COL11A2: variants seen among roughly 807,000 people sequenced by gnomAD.
COL11A2 encodes the protein collagen type XI alpha 2 chain, also known as collagen alpha-2(XI) chain.
Under a neutral mutation model 273.4 loss-of-function variants are expected in COL11A2, and 116 were observed. That is an observed-to-expected ratio of 0.42 (90% CI 0.36 to 0.49). The LOEUF (loss-of-function observed/expected upper bound fraction) is 0.49. Among genes scored for constraint, COL11A2 ranks in the 20% least tolerant of loss-of-function variants. The pLI is 0.00. For synonymous variants in COL11A2, 782 were observed against 864.2 expected (o/e 0.90, Z 1.67); for missense variants, 1,866 against 2,309.0 (o/e 0.81, Z 3.93).
chr6:33,180,594 G>C, intron 11 of COL11A2, 74 bp downstream of exon 11: 1 of 1,380,848 alleles, frequency 7.2e-7, no homozygotes, highest in African/African-American at 1.4e-5. Context: ...GAAATTACTG[G>C]GCATGGTAGC....
chr6:33,176,906 T>G lies in COL11A2; in HGVS notation c.2070+86A>C. 6.5e-7 allele frequency: 1 copy of G among 1,534,874 alleles called. No homozygotes were observed. The highest frequency in any genetic ancestry group is 8.9e-7 in the Non-Finnish European group (1 of 1,123,656). On this transcript the variant is annotated intron_variant, in intron 25 of 65. Transcript: ENST00000341947. The surrounding 1 kb of genome is among the most constrained non-coding windows in gnomAD (Gnocchi z 4.9). ...ACAAGCACCACCAGTGACCTTTCAG[T>G]GCAAGGGTCACTAAAGGAGCTCTGA...
Position 33,174,152 on chromosome 6 carries a change from C to G in COL11A2, c.2484+13G>C, listed in dbSNP as rs1467671114. 7.5e-7 allele frequency: 1 copy of G among 1,337,588 alleles called. No homozygotes were observed. Among genetic ancestry groups the G allele is most frequent in the South Asian group, 1.3e-5 (1 of 74,538 alleles). 82.9% of individuals were successfully genotyped at this position (1,337,588 alleles called of 1,614,324 possible). On this transcript the variant is annotated intron_variant, in intron 32 of 65. Coordinates refer to ENST00000341947, the MANE Select transcript of COL11A2 (RefSeq NM_080680.3). ...GCCCTTCCCTTCTCACGCCCTCCCA[C>G]CCCCCAGCTTACCCGGGCTCCCTTC...
Position 33,178,057 on chromosome 6 carries a change from G to A in COL11A2, c.1872+75C>T. ...CATGCCGAGAGAGGAGAGGGAGCAGGAAGGCAGCTAGAAAGGTGGAGAGTT... is the reference window on the plus strand; with the variant it reads ...CATGCCGAGAGAGGAGAGGGAGCAGAAAGGCAGCTAGAAAGGTGGAGAGTT... On this transcript the variant is annotated intron_variant, in intron 21 of 65. Transcript: ENST00000341947. The surrounding 1 kb of genome is among the most constrained non-coding windows in gnomAD (Gnocchi z 4.6). 6.9e-7 allele frequency: 1 copy of A among 1,440,566 alleles called. No individual in the cohort carries two copies. Among genetic ancestry groups the A allele is most frequent in the Non-Finnish European group, 9.6e-7 (1 of 1,040,850 alleles). The allele number at this position is 1,440,566 out of a possible 1,614,324, so 89.2% of individuals were successfully genotyped here. A position where few individuals can be genotyped will look rare whatever the true frequency, so the allele number is the denominator to read the frequency against.
Position 33,180,668 on chromosome 6 carries a change from C to T in COL11A2, c.1284G>A (p.Arg428=). The stretch of plus-strand genomic sequence containing the variant: ...CGTCACATGGAGGACACCCCCTTAC[C>T]CTCTCTCCAGGGTCTCCAACTGGGC... ...NPGPVGDPGE[R]GPPGRAGLPG... The change falls in exon 11 of 66, where the codon AGG becomes AGA. Residue 428 remains arginine, a splice_region_variant and synonymous_variant. Transcript: ENST00000341947. The T allele has an allele frequency of 1.2e-6, 2 of 1,606,746 alleles. No individual in the cohort carries two copies. Among genetic ancestry groups the T allele is most frequent in the Non-Finnish European group, 1.7e-6 (2 of 1,177,022 alleles).
In COL11A2 at chr6:33,176,303, C is replaced by T. The variant is rs1367893083; in HGVS notation, c.2170G>A (p.Gly724Ser). 1 of 1,605,760 alleles carries T rather than the reference C, an allele frequency of 6.2e-7. No homozygotes were observed. The highest frequency in any genetic ancestry group is 2.2e-5 in the East Asian group (1 of 44,752). The part of the protein sequence containing the change: ...LGYPGPRGVK[G>S]VDGIRGLKGH... Reference sequence around the variant, plus strand: ...TTCAGACCCCGAATTCCGTCCACACCCTAGAATTAGAGAGGGGATAGAAGT... The same window carrying T: ...TTCAGACCCCGAATTCCGTCCACACTCTAGAATTAGAGAGGGGATAGAAGT... Residue 724 changes from glycine to serine, a missense_variant and splice_region_variant, in exon 28 of 66, where the codon GGT becomes AGT. By Grantham distance (56) the Gly-to-Ser change is moderately conservative. Transcript: ENST00000341947. The surrounding 1 kb of genome is among the most constrained non-coding windows in gnomAD (Gnocchi z 4.9).
At position 33,166,751 on chromosome 6, in the gene COL11A2, G is replaced by T; in HGVS notation, c.4307C>A (p.Pro1436His). 1 of 1,613,582 alleles carries T rather than the reference G, an allele frequency of 6.2e-7. No homozygotes were observed. Among genetic ancestry groups the T allele is most frequent in the Non-Finnish European group, 8.5e-7 (1 of 1,180,018 alleles). ...GEKGDRGLPG[P>H]QGSPGQKGEM... ...ACCCTTCTGCCCAGGGGAGCCCTGA[G>T]GCCCAGGAAGTCCCCGATCTCCCTT... The change falls in exon 59 of 66, where the codon CCT becomes CAT. Residue 1436 changes from proline (P) to histidine (H), a missense_variant. Physicochemically the swap from Pro to His is moderately conservative, Grantham distance 77 (BLOSUM62 -2). Transcript: ENST00000341947. The surrounding 1 kb of genome is among the most constrained non-coding windows in gnomAD (Gnocchi z 4.8).
chr6:33,184,235 G>C lies in COL11A2; in HGVS notation c.1029C>G (p.Pro343=). The C allele has an allele frequency of 7.3e-7, 1 of 1,367,666 alleles. No homozygotes were observed. Among genetic ancestry groups the C allele is most frequent in the Non-Finnish European group, 9.8e-7 (1 of 1,022,004 alleles). 84.7% of individuals were successfully genotyped at this position (1,367,666 alleles called of 1,614,324 possible). Residue 343 remains proline, a synonymous_variant, in exon 8 of 66, where the codon CCC becomes CCG. Coordinates refer to ENST00000341947, the MANE Select transcript of COL11A2 (RefSeq NM_080680.3). ...GEGGTDPPEG[P]YDYTYGYGDD... ...CCCCATAGCCATAGGTGTAATCGTA[G>C]GGCCCTTCAGGGGGGTCTGTGCCAC...
chr6:33,175,674 A>G lies in COL11A2; in HGVS notation c.2276T>C (p.Val759Ala). The change falls in exon 30 of 66, where the codon GTT (valine) becomes GCT (alanine). Residue 759 changes from valine (V) to alanine (A), a missense_variant. Coordinates refer to ENST00000341947, the MANE Select transcript of COL11A2 (RefSeq NM_080680.3). ...CTCTCCCCTGGAACCAGGGACTCCAACTTCGCCCTGTGTGAGAGGGAAGGA... is the reference window on the plus strand; with the variant it reads ...CTCTCCCCTGGAACCAGGGACTCCAGCTTCGCCCTGTGTGAGAGGGAAGGA... ...DIGVKGDRGE[V>A]GVPGSRGEDG... The G allele has an allele frequency of 1.2e-6, 2 of 1,612,824 alleles. No individual in the cohort carries two copies. The highest frequency in any genetic ancestry group is 1.7e-6 in the Non-Finnish European group (2 of 1,179,902).
rs756821764 is a variant in COL11A2 at position 33,186,826 on chromosome 6, G to T, written c.607-8C>A. The T allele has an allele frequency of 6.2e-7, 1 of 1,613,952 alleles. No homozygotes were observed. Among genetic ancestry groups the T allele is most frequent in the Non-Finnish European group, 8.5e-7 (1 of 1,180,044 alleles). ...CAGCTCCTGGACATCACCCTGCAAA[G>T]ACATGAGAGAGATGGAGCGGAGAGA... is the stretch of plus-strand genomic sequence containing the variant. On this transcript the variant is annotated splice_region_variant and splice_polypyrimidine_tract_variant and intron_variant, in intron 4 of 65. Transcript: ENST00000341947.
chr6:33,167,346 A>G lies in COL11A2; in HGVS notation c.4123-29T>C. ...AAGATTTGAGGGGGCCACAGGGGTC[A>G]GGAGGAGCATCCCCACACTGCACCC... On this transcript the variant is annotated intron_variant, in intron 56 of 65. Coordinates refer to ENST00000341947, the MANE Select transcript of COL11A2 (RefSeq NM_080680.3). This position sits in a 1 kb window ranked among gnomAD's most constrained non-coding sequence, Gnocchi z 6.1. 1 of 1,613,092 alleles carries G rather than the reference A, an allele frequency of 6.2e-7. No homozygotes were observed. Among genetic ancestry groups the G allele is most frequent in the Non-Finnish European group, 8.5e-7 (1 of 1,179,948 alleles).
At position 33,184,237 on chromosome 6, in the gene COL11A2, G is replaced by A. The variant is rs923907769; in HGVS notation, c.1027C>T (p.Pro343Ser). 2.9e-6 allele frequency: 4 copies of A among 1,367,556 alleles called. No homozygotes were observed. In the Admixed American group the frequency reaches 5.7e-5, roughly 20 times the overall value. 84.7% of individuals were successfully genotyped at this position (1,367,556 alleles called of 1,614,324 possible). The change falls in exon 8 of 66, where the codon CCC (proline) becomes TCC (serine). Residue 343 changes from proline (P) to serine (S), a missense_variant. Transcript: ENST00000341947. ...CCATAGCCATAGGTGTAATCGTAGG[G>A]CCCTTCAGGGGGGTCTGTGCCACCC... ...GEGGTDPPEGPYDYTYGYGDD... is the reference protein window; with the variant it reads ...GEGGTDPPEGSYDYTYGYGDD...
intron 8 of COL11A2, among the ~76,000 whole-genome samples, chr6:33,182,905 A>G (rs1307748050): frequency 2.0e-5 from 3 of 152,106 alleles, no homozygotes; most frequent in African/African-American, 7.2e-5. Flanking sequence ...TCCCCCCAAC[A>G]AAGATCTTCA....
chr6:33,187,487 G>A (rs1772575009), intron 4 of COL11A2, among the ~76,000 whole-genome samples: 1 of 152,246 alleles, frequency 6.6e-6, no homozygotes, highest in South Asian at 2.1e-4. Context: ...GGCTTGGAGG[G>A]TGAATGGAGG....
chr6:33,166,064 C>G lies in COL11A2; in HGVS notation c.4429-80G>C, dbSNP rs879800005. The stretch of plus-strand genomic sequence containing the variant: ...GGTCACAGAAAGATCAAATCAGCCT[C>G]CTGGCTGGAATAAGGGGCTCCTTGG... On this transcript the variant is annotated intron_variant, in intron 61 of 65. Coordinates refer to ENST00000341947, the MANE Select transcript of COL11A2 (RefSeq NM_080680.3). This position sits in a 1 kb window ranked among gnomAD's most constrained non-coding sequence, Gnocchi z 4.8. 1 of 1,607,036 alleles carries G rather than the reference C, an allele frequency of 6.2e-7. No individual in the cohort carries two copies. Among genetic ancestry groups the G allele is most frequent in the Non-Finnish European group, 8.5e-7 (1 of 1,175,174 alleles).
chr6:33,174,433 A>T, intron 31 of COL11A2, 94 bp downstream of exon 31: 1 of 1,516,308 alleles, frequency 6.6e-7, no homozygotes, highest in South Asian at 1.2e-5. Flanking sequence ...GGGGTCCCCC[A>T]CTGCCCTGCA....
intron 6 of COL11A2, 91 bp from the exon 7 acceptor site, chr6:33,185,145 C>G (rs569558221): frequency 1.1e-6 from 1 of 933,454 alleles, no homozygotes; most frequent in South Asian, 1.4e-5. Context: ...ACCTGTCCCC[C>G]GAGGGCAGGG....
rs754701834 is a variant in COL11A2, at chr6:33,167,138, G to A, written c.4177-15C>T. ...CCTGGGGGTCCCTGTGGAGAGATGGGAAGTCATTCTCTTAAGGGAGAGGTG... is the reference window on the plus strand; with the variant it reads ...CCTGGGGGTCCCTGTGGAGAGATGGAAAGTCATTCTCTTAAGGGAGAGGTG... On this transcript the variant is annotated splice_polypyrimidine_tract_variant and intron_variant, in intron 57 of 65. Coordinates refer to ENST00000341947, the MANE Select transcript of COL11A2 (RefSeq NM_080680.3). The surrounding 1 kb of genome is among the most constrained non-coding windows in gnomAD (Gnocchi z 6.1). 8.1e-6 allele frequency: 13 copies of A among 1,613,952 alleles called. No homozygotes were observed. Among genetic ancestry groups the A allele is most frequent in the Non-Finnish European group, 1.0e-5 (12 of 1,179,968 alleles).
At position 33,173,569 on chromosome 6, in the gene COL11A2, T is replaced by C; in HGVS notation, c.2629-14A>G. 2 of 1,031,166 alleles carry C rather than the reference T, an allele frequency of 1.9e-6. No individual in the cohort carries two copies. Among genetic ancestry groups the C allele is most frequent in the Non-Finnish European group, 2.5e-6 (2 of 797,550 alleles). The allele number at this position is 1,031,166 out of a possible 1,614,324, so 63.9% of individuals were successfully genotyped here. On this transcript the variant is annotated splice_polypyrimidine_tract_variant and intron_variant, in intron 35 of 65. Coordinates refer to ENST00000341947, the MANE Select transcript of COL11A2 (RefSeq NM_080680.3). This position sits in a 1 kb window ranked among gnomAD's most constrained non-coding sequence, Gnocchi z 6.3. ...TCCAGGGAGGCCCTAGAGACAGAGG[T>C]GGGGGGAGTCAGGAGAATGGGGGCA...
rs1169647015 is a variant in COL11A2, at chr6:33,190,162, A to T, written c.83-693T>A. Among the ~76,000 whole-genome samples, 1 of 149,308 alleles carries T rather than the reference A, an allele frequency of 6.7e-6. No individual in the cohort carries two copies. The highest frequency in any genetic ancestry group is 2.0e-4 in the East Asian group (1 of 5,042). ...AAAGATACAAGAAAGCTCTCCCAGG[A>T]GTCTGTGCCTCCTGGTTTAGGAGAT... On this transcript the variant is annotated intron_variant, in intron 1 of 65. Coordinates refer to ENST00000341947, the MANE Select transcript of COL11A2 (RefSeq NM_080680.3). This position sits in a 1 kb window ranked among gnomAD's most constrained non-coding sequence, Gnocchi z 4.5.
Sources: allele counts gnomAD v4.1 joint callset (sites outside exome capture counted in the v4.1 genomes callset), GRCh38; gene constraint gnomAD v4.1.1; non-coding constraint Gnocchi (gnomAD v3.1); transcripts MANE v1.5; gene names NCBI Gene and HGNC (gene_info 2026-07-23, HGNC 2026-07-21).